Variants in SYT1 observed in about 807,000 individuals in gnomAD.
SYT1 encodes synaptotagmin-1.
In SYT1, 8 loss-of-function variants were observed where a neutral mutation model predicts 44.8. The observed-to-expected ratio is 0.18, with a 90% CI of 0.10 to 0.32. SYT1 has a LOEUF of 0.32. SYT1 is among the 10% of genes least tolerant of loss of function. The pLI, the probability that SYT1 is intolerant of heterozygous loss-of-function variation, is 1.00. For synonymous variants in SYT1, 154 were observed against 188.8 expected, an observed-to-expected ratio of 0.82 and a Z score of 1.51; for missense variants, 286 against 509.3, an observed-to-expected ratio of 0.56 and a Z score of 4.22.
At chr12:79,396,563 TA>T (rs1336526660) in intron 9 of SYT1, among the ~76,000 whole-genome samples, 1 of 152,178 alleles carries the variant, frequency 6.6e-6, no homozygotes, top group African/African-American at 2.4e-5. Flanking sequence ...GAAGTCATCA[TA>T]GTCCTTTTCT....
At chr12:79,110,307 T>C (rs996707163) in intron 3 of SYT1, among the ~76,000 whole-genome samples, 1 of 152,112 alleles carries the variant, frequency 6.6e-6, no homozygotes, top group Middle Eastern at 3.2e-3. Context: ...TTCTCTGTAA[T>C]ATGGCACAGG....
At chr12:79,264,608 A>G (rs188154708) in intron 4 of SYT1, among the ~76,000 whole-genome samples, 18 of 152,330 alleles carry the variant, frequency 1.2e-4, no homozygotes, top group Non-Finnish European at 1.9e-4. Context: ...GCATGTTGCC[A>G]ATGGAAAGAT....
intron 1 of SYT1, among the ~76,000 whole-genome samples, chr12:78,886,301 C>G (rs1165254797): frequency 6.6e-6 from 1 of 152,072 alleles, no homozygotes; most frequent in Admixed American, 6.6e-5. Context: ...AAAAGCTATC[C>G]TCCTCAAAAT....
intron 1 of SYT1, among the ~76,000 whole-genome samples, chr12:78,891,537 T>G (rs973758490): frequency 6.6e-6 from 1 of 151,934 alleles, no homozygotes. Context: ...TTTGTCAAGA[T>G]AGTTAACAGA....
intron 1 of SYT1, among the ~76,000 whole-genome samples, chr12:78,975,856 C>T (rs755339155): frequency 3.9e-5 from 6 of 152,092 alleles, no homozygotes; most frequent in Non-Finnish European, 7.4e-5. Flanking sequence ...GAGGGGAAGC[C>T]ACTTTATGCT....
intron 3 of SYT1, among the ~76,000 whole-genome samples, chr12:79,165,341 G>A (rs1871168758): frequency 6.6e-6 from 1 of 151,918 alleles, no homozygotes; most frequent in Non-Finnish European, 1.5e-5. Flanking sequence ...TTTGTAGCTT[G>A]AGAGTATTCT....
At chr12:78,867,594 G>A (rs1457401846) in intron 1 of SYT1, among the ~76,000 whole-genome samples, 3 of 151,912 alleles carry the variant, frequency 2.0e-5, no homozygotes, top group African/African-American at 7.2e-5. Flanking sequence ...ATGTTTCAGA[G>A]TAAATATGAT....
intron 9 of SYT1, among the ~76,000 whole-genome samples, chr12:79,438,461 A>G (rs1462335380): frequency 6.6e-6 from 1 of 152,186 alleles, no homozygotes; most frequent in African/African-American, 2.4e-5. Context: ...ACTCCTACCA[A>G]TTAATATGAG....
At chr12:79,368,932 G>T (rs571574734) in intron 9 of SYT1, among the ~76,000 whole-genome samples, 1 of 152,276 alleles carries the variant, frequency 6.6e-6, no homozygotes, top group South Asian at 2.1e-4. Flanking sequence ...TTTGGCTTTT[G>T]TTGCCATTGC....
At chr12:79,306,371 A>G (rs1002914107) in intron 8 of SYT1, among the ~76,000 whole-genome samples, 1 of 152,220 alleles carries the variant, frequency 6.6e-6, no homozygotes, top group African/African-American at 2.4e-5. Flanking sequence ...TCTGTTCTCA[A>G]TAATGATTTG....
At chr12:78,906,253 T>C (rs1448372629) in intron 1 of SYT1, among the ~76,000 whole-genome samples, 1 of 152,068 alleles carries the variant, frequency 6.6e-6, no homozygotes, top group Admixed American at 6.6e-5. Context: ...ATTGATTTTA[T>C]TGTAGGCTTT....
At chr12:78,898,883 G>A (rs1204905864) in intron 1 of SYT1, among the ~76,000 whole-genome samples, 2 of 152,038 alleles carry the variant, frequency 1.3e-5, no homozygotes, top group African/African-American at 4.8e-5. Flanking sequence ...CAAATTATCA[G>A]CTAACATGGG....
chr12:79,266,167 C>T (rs1052920439), intron 4 of SYT1, among the ~76,000 whole-genome samples: 2 of 152,092 alleles, frequency 1.3e-5, no homozygotes, highest in Non-Finnish European at 2.9e-5. Flanking sequence ...TTAGCATGTA[C>T]TTAACTGACA....
At chr12:79,355,614 T>A (rs1038138194) in intron 9 of SYT1, among the ~76,000 whole-genome samples, 1 of 152,174 alleles carries the variant, frequency 6.6e-6, no homozygotes, top group Non-Finnish European at 1.5e-5. Flanking sequence ...GTCCAGCCTA[T>A]GTCATGCCAT....
At chr12:78,886,175 T>C (rs527268380) in intron 1 of SYT1, among the ~76,000 whole-genome samples, 4 of 151,900 alleles carry the variant, frequency 2.6e-5, no homozygotes, top group African/African-American at 7.2e-5. Flanking sequence ...TCTAGGAAAA[T>C]AGCAGAAAAA....
At chr12:78,951,009 T>C (rs17046093) in intron 1 of SYT1, among the ~76,000 whole-genome samples, 25,080 of 152,042 alleles carry the variant, frequency 0.16, 2,382 homozygotes, top group East Asian at 0.3. Context: ...TTTTCCCATC[T>C]GGTGCATATT....
chr12:79,327,087 G>T (rs563492952), intron 8 of SYT1, among the ~76,000 whole-genome samples: 1 of 151,714 alleles, frequency 6.6e-6, no homozygotes, highest in South Asian at 2.1e-4. Context: ...TAATTTAAGG[G>T]GCTCTGTACC....
chr12:79,164,240 C>A (rs573634021), intron 3 of SYT1, among the ~76,000 whole-genome samples: 17 of 152,196 alleles, frequency 1.1e-4, no homozygotes, highest in Non-Finnish European at 2.4e-4. Context: ...TGTCCCAAGA[C>A]ACTACTGCGG....
chr12:79,033,483 G>C (rs910403156), intron 2 of SYT1, among the ~76,000 whole-genome samples: 2 of 151,352 alleles, frequency 1.3e-5, no homozygotes, highest in African/African-American at 4.8e-5. Context: ...TTGCATTTAT[G>C]CTCATTTTAA....
Sources: allele counts gnomAD v4.1 joint callset (sites outside exome capture counted in the v4.1 genomes callset), GRCh38; gene constraint gnomAD v4.1.1; transcripts MANE v1.5; gene names NCBI Gene and HGNC (gene_info 2026-07-23, HGNC 2026-07-21).